USP33: variants seen among roughly 807,000 people sequenced by gnomAD.
The protein encoded by USP33 is ubiquitin carboxyl-terminal hydrolase 33.
USP33 carries 46 observed loss-of-function variants against 124.2 expected under a neutral mutation model. That is an observed-to-expected ratio of 0.37 (90% confidence interval 0.29 to 0.47). The LOEUF (loss-of-function observed/expected upper bound fraction) is 0.47. USP33 is among the 20% of genes least tolerant of loss of function. The probability of loss-of-function intolerance (pLI) is 0.99; values close to 1 mark genes in which losing one functional copy is unlikely to be tolerated. For missense variants in USP33, 851 were observed against 1,070.6 expected (o/e 0.79, Z 2.86); for synonymous variants, 350 against 352.3 (o/e 0.99, Z 0.07).
At chr1:77,711,580 A>C in intron 21 of USP33, 167 bp downstream of exon 21, 1 of 1,099,366 alleles carries the variant, frequency 9.1e-7, no homozygotes. Context: ...ACATAACTCA[A>C]CAGAACTGTA....
At chr1:77,707,818 T>A (rs1173059882) in intron 21 of USP33, among the ~76,000 whole-genome samples, 3 of 152,332 alleles carry the variant, frequency 2.0e-5, no homozygotes, top group East Asian at 3.9e-4. Flanking sequence ...ATTTACCAGA[T>A]GTTGAAATAA....
intron 20 of USP33, 47 bp downstream of exon 20, chr1:77,713,152 GT>G: frequency 6.6e-7 from 1 of 1,507,572 alleles, no homozygotes. Context: ...CTTTTAACCA[GT>G]TTAACCGACT....
chr1:77,721,773 C>T, intron 14 of USP33, 58 bp downstream of exon 14: 1 of 1,446,760 alleles, frequency 6.9e-7, no homozygotes, highest in Non-Finnish European at 9.4e-7. Flanking sequence ...ATTATTTAGT[C>T]CCACTAGTAT....
At chr1:77,700,369 C>T (rs1414313233) in intron 22 of USP33, among the ~76,000 whole-genome samples, 1 of 152,128 alleles carries the variant, frequency 6.6e-6, no homozygotes, top group Non-Finnish European at 1.5e-5. Context: ...CTTTGGGAGG[C>T]CAAGGTTGGT....
intron 1 of USP33, among the ~76,000 whole-genome samples, chr1:77,758,338 G>A (rs1232811728): frequency 6.6e-6 from 1 of 151,876 alleles, no homozygotes; most frequent in Non-Finnish European, 1.5e-5. Context: ...CTGCCACCAT[G>A]CCCGGCTAAT....
At chr1:77,706,845 C>G (rs1476055222) in intron 21 of USP33, among the ~76,000 whole-genome samples, 1 of 152,180 alleles carries the variant, frequency 6.6e-6, no homozygotes, top group African/African-American at 2.4e-5. Context: ...GAGAGCTCAT[C>G]TACTACTACC....
chr1:77,734,282 G>A, intron 7 of USP33, 65 bp downstream of exon 7: 1 of 1,299,320 alleles, frequency 7.7e-7, no homozygotes, highest in Non-Finnish European at 1.1e-6. Context: ...TAGTTGCAAG[G>A]TTTTCTGCTC....
chr1:77,719,997 A>G (rs1475484901), intron 15 of USP33, among the ~76,000 whole-genome samples: 1 of 151,764 alleles, frequency 6.6e-6, no homozygotes, highest in East Asian at 1.9e-4. Context: ...CCCCATTTCT[A>G]CAAAAAATAC....
chr1:77,712,015 G>T (rs1400470395), intron 20 of USP33, among the ~76,000 whole-genome samples, 160 bp from the exon 21 acceptor site: 3 of 152,128 alleles, frequency 2.0e-5, no homozygotes, highest in Non-Finnish European at 4.4e-5. Context: ...TGTTTATTAA[G>T]GTCAGTGACT....
chr1:77,721,637 C>T (rs563702978), intron 14 of USP33, 194 bp downstream of exon 14: 9 of 552,962 alleles, frequency 1.6e-5, no homozygotes, highest in East Asian at 3.3e-5. Flanking sequence ...CAGGAATTCA[C>T]ATGAATTCCT....
intron 1 of USP33, among the ~76,000 whole-genome samples, chr1:77,751,154 ATC>A (rs1680296432): frequency 6.6e-6 from 1 of 152,214 alleles, no homozygotes; most frequent in African/African-American, 2.4e-5. Context: ...ACAAGATTTT[ATC>A]TGTTTGTCCT....
chr1:77,756,494 A>G (rs1380462048), intron 1 of USP33, among the ~76,000 whole-genome samples: 1 of 152,092 alleles, frequency 6.6e-6, no homozygotes, highest in Non-Finnish European at 1.5e-5. Context: ...TTCTCTCCTC[A>G]GCTCTCCAGC....
At chr1:77,721,490 T>C (rs1676556385) in intron 14 of USP33, 1 of 522,666 alleles carries the variant, frequency 1.9e-6, no homozygotes, top group Non-Finnish European at 3.4e-6. Context: ...CACACAAAAA[T>C]AGTGAATGAC....
At chr1:77,735,626 AAT>A (rs1332071856) in intron 6 of USP33, among the ~76,000 whole-genome samples, 1 of 152,240 alleles carries the variant, frequency 6.6e-6, no homozygotes, top group Non-Finnish European at 1.5e-5. Context: ...GGCCTAAAAG[AAT>A]ATGAAAAATC....
chr1:77,737,477 T>C (rs1018993341), intron 5 of USP33, among the ~76,000 whole-genome samples: 2 of 152,266 alleles, frequency 1.3e-5, no homozygotes, highest in Non-Finnish European at 2.9e-5. Flanking sequence ...AAAAATCTTA[T>C]TAATATTTGC....
At chr1:77,753,160 A>G (rs1412181461) in intron 1 of USP33, among the ~76,000 whole-genome samples, 1 of 152,256 alleles carries the variant, frequency 6.6e-6, no homozygotes, top group Non-Finnish European at 1.5e-5. Context: ...CGACATTGGG[A>G]TTCAAAGAAT....
chr1:77,726,505 G>C (rs962016904), intron 10 of USP33, among the ~76,000 whole-genome samples: 11 of 151,986 alleles, frequency 7.2e-5, no homozygotes, highest in African/African-American at 2.2e-4. Context: ...AATTAGCTGG[G>C]CATGGTGGTG....
At chr1:77,720,503 T>C (rs1676458365) in intron 15 of USP33, 1 of 985,306 alleles carries the variant, frequency 1.0e-6, no homozygotes, top group Non-Finnish European at 1.2e-6. Context: ...TCATGATCAG[T>C]TGCAGATCAA....
rs963037503 is a variant in USP33 at position 77,696,031 on chromosome 1, T to C, written c.*1286A>G. The C allele has an allele frequency of 3.9e-5, 6 of 152,326 alleles. No homozygotes were observed. Among genetic ancestry groups the C allele is most frequent in the East Asian group, 1.9e-4 (1 of 5,190 alleles). The allele number at this position is 152,326 out of a possible 1,614,324, so 9.4% of individuals were successfully genotyped here. ...TTTTATTGAGCTAATTTTAACAACATTGCTTTAGCTGGTGACAGCTGCCCC... is the reference window on the plus strand; with the variant it reads ...TTTTATTGAGCTAATTTTAACAACACTGCTTTAGCTGGTGACAGCTGCCCC... On this transcript the variant is annotated 3_prime_UTR_variant, in exon 24 of 24. Coordinates refer to ENST00000370794, the MANE Select transcript of USP33 (RefSeq NM_201624.3).
Sources: gnomAD v4.1 joint callset for allele counts (sites outside exome capture counted in the v4.1 genomes callset) on GRCh38, gnomAD v4.1.1 for gene constraint, MANE v1.5 for transcripts, NCBI Gene and HGNC (gene_info 2026-07-23, HGNC 2026-07-21) for gene names.